Variants in LSG1 observed in about 807,000 individuals in gnomAD.
LSG1 encodes the protein large 60S subunit nuclear export GTPase 1.
Under a neutral mutation model 82.6 loss-of-function variants are expected in LSG1, and 55 were observed. That is an observed-to-expected ratio of 0.67 (90% CI 0.54 to 0.83). The LOEUF is 0.83. Ranked by LOEUF, LSG1 falls within the 40% of genes least tolerant of loss-of-function variation. LSG1 has a pLI of 0.00. For missense variants in LSG1, 809 were observed against 807.9 expected (o/e 1.00, Z -0.02); for synonymous variants, 272 against 282.5 (o/e 0.96, Z 0.37).
intron 5 of LSG1, among the ~76,000 whole-genome samples, chr3:194,662,250 C>A (rs1718949203): frequency 6.6e-6 from 1 of 152,234 alleles, no homozygotes; most frequent in African/African-American, 2.4e-5. Context: ...CCATTCCCCA[C>A]CCCAATAGCA....
At chr3:194,648,386 C>T (rs1046264822) in intron 11 of LSG1, among the ~76,000 whole-genome samples, 10 of 152,042 alleles carry the variant, frequency 6.6e-5, no homozygotes, top group African/African-American at 1.2e-4. Flanking sequence ...TCCACACATC[C>T]GCTTTCTTCT....
chr3:194,659,407 C>T (rs554255452), intron 6 of LSG1, among the ~76,000 whole-genome samples: 4 of 152,118 alleles, frequency 2.6e-5, no homozygotes, highest in East Asian at 1.9e-4. Flanking sequence ...CTTTGGGAGG[C>T]GGAGGAGGGA....
intron 1 of LSG1, chr3:194,671,823 C>G: frequency 3.6e-6 from 2 of 557,360 alleles, no homozygotes; most frequent in Non-Finnish European, 6.3e-6. Flanking sequence ...ATTGAAGACT[C>G]TTCAGATTCT....
intron 7 of LSG1, among the ~76,000 whole-genome samples, chr3:194,657,783 C>A (rs1391249279): frequency 6.6e-6 from 1 of 152,074 alleles, no homozygotes; most frequent in Admixed American, 6.6e-5. Context: ...GACAAAGAGT[C>A]CTCAGATCAA....
At chr3:194,655,162 C>A (rs1453132568) in intron 7 of LSG1, among the ~76,000 whole-genome samples, 2 of 152,186 alleles carry the variant, frequency 1.3e-5, no homozygotes, top group African/African-American at 4.8e-5. Context: ...CTTCCATAAA[C>A]TATACACTGT....
Position 194,672,171 on chromosome 3 carries a change from G to A in LSG1, c.-9C>T. 2 of 1,586,806 alleles carry A rather than the reference G, an allele frequency of 1.3e-6. No individual in the cohort carries two copies. The highest frequency in any genetic ancestry group is 1.7e-6 in the Non-Finnish European group (2 of 1,168,236). On this transcript the variant is annotated 5_prime_UTR_variant, in exon 1 of 14. Coordinates refer to ENST00000265245, the MANE Select transcript of LSG1 (RefSeq NM_018385.3). The stretch of plus-strand genomic sequence containing the variant: ...GCTCTCCTCCGGCCCATGGCAACAC[G>A]ACCGCTGGACGAAGCTTCCCGGCTC...
In LSG1 at chr3:194,666,460, T is replaced by C; in HGVS notation, c.339A>G (p.Ile113Met). 1 of 1,613,800 alleles carries C rather than the reference T, an allele frequency of 6.2e-7. No homozygotes were observed. The highest frequency in any genetic ancestry group is 1.1e-5 in the South Asian group (1 of 91,008). Residue 113 changes from isoleucine (I) to methionine (M), a missense_variant, in exon 3 of 14, where the codon ATA becomes ATG. Ile to Met is a conservative substitution (Grantham distance 10). Coordinates refer to ENST00000265245, the MANE Select transcript of LSG1 (RefSeq NM_018385.3). ...ATTCTTCTTCAGCTCACCTCCTCGG[T>C]ATACACAAGAACTGTTTGTTTTCTT... Reference protein sequence around the residue: ...LHEENKQFLCIPRRPNWNQNT... With the variant: ...LHEENKQFLCMPRRPNWNQNT...
At chr3:194,654,635 G>C (rs1718755790) in intron 7 of LSG1, among the ~76,000 whole-genome samples, 1 of 152,304 alleles carries the variant, frequency 6.6e-6, no homozygotes, top group Middle Eastern at 3.4e-3. Context: ...GGGCTCTTTT[G>C]AGTCATTTTC....
intron 7 of LSG1, among the ~76,000 whole-genome samples, chr3:194,657,098 C>T (rs1347269707): frequency 2.7e-5 from 4 of 150,608 alleles, no homozygotes; most frequent in South Asian, 2.1e-4. Context: ...TGTATATATA[C>T]GTAACAAACC....
Position 194,648,676 on chromosome 3 carries a change from C to T in LSG1, c.1543+5G>A, listed in dbSNP as rs764501716. The T allele has an allele frequency of 1.9e-6, 3 of 1,613,650 alleles. No homozygotes were observed. Among genetic ancestry groups the T allele is most frequent in the Admixed American group, 3.3e-5 (2 of 59,902 alleles). On this transcript the variant is annotated splice_donor_5th_base_variant and intron_variant, in intron 11 of 13. Coordinates refer to ENST00000265245, the MANE Select transcript of LSG1 (RefSeq NM_018385.3). ...GTTCACATTTTCTGATGAATCACAA[C>T]TTACATCCATAAGCTGTCAACAGTT... is the stretch of plus-strand genomic sequence containing the variant.
intron 7 of LSG1, among the ~76,000 whole-genome samples, chr3:194,654,508 T>G (rs1254509588): frequency 6.6e-6 from 1 of 152,150 alleles, no homozygotes; most frequent in East Asian, 1.9e-4. Flanking sequence ...TAGGTATGAT[T>G]TAACAATCAA....
chr3:194,643,844 A>G (rs956089700), intron 13 of LSG1, among the ~76,000 whole-genome samples: 3 of 152,248 alleles, frequency 2.0e-5, no homozygotes, highest in African/African-American at 7.2e-5. Flanking sequence ...GCATATCTAT[A>G]CAATGAAACA....
intron 11 of LSG1, among the ~76,000 whole-genome samples, chr3:194,646,637 C>A (rs1396927827): frequency 6.6e-6 from 1 of 152,222 alleles, no homozygotes; most frequent in African/African-American, 2.4e-5. Context: ...TCTGATGCCT[C>A]AGCCTCCCAA....
At chr3:194,650,168 C>T (rs1167138462) in intron 10 of LSG1, among the ~76,000 whole-genome samples, 1 of 152,214 alleles carries the variant, frequency 6.6e-6, no homozygotes, top group African/African-American at 2.4e-5. Context: ...ATCCGCCTGC[C>T]ACAGCCTCCC....
intron 13 of LSG1, among the ~76,000 whole-genome samples, chr3:194,643,445 A>G (rs2108613843): frequency 6.6e-6 from 1 of 152,370 alleles, no homozygotes; most frequent in Non-Finnish European, 1.5e-5. Flanking sequence ...AGCACATAAA[A>G]TGACGCTCAG....
chr3:194,669,883 A>G, intron 2 of LSG1, 126 bp downstream of exon 2: 1 of 1,099,212 alleles, frequency 9.1e-7, no homozygotes, highest in Non-Finnish European at 1.3e-6. Flanking sequence ...GTGAGCTGAT[A>G]TCACGCCACT....
intron 7 of LSG1, among the ~76,000 whole-genome samples, 165 bp from the exon 8 acceptor site, chr3:194,653,307 G>A (rs1379166858): frequency 6.6e-6 from 1 of 152,036 alleles, no homozygotes; most frequent in African/African-American, 2.4e-5. Flanking sequence ...TTGAGGTCAG[G>A]AGTTTGAGAC....
chr3:194,650,469 G>C (rs895702918), intron 10 of LSG1, among the ~76,000 whole-genome samples: 1 of 152,172 alleles, frequency 6.6e-6, no homozygotes, highest in African/African-American at 2.4e-5. Flanking sequence ...AAGGTATTTG[G>C]TAAGGGTTTA....
chr3:194,671,923 CAG>C, intron 1 of LSG1, 139 bp downstream of exon 1: 1 of 743,384 alleles, frequency 1.3e-6, no homozygotes, highest in South Asian at 1.5e-5. Context: ...GCCTGCTACT[CAG>C]CTTGGCAGAA....
Sources: allele counts gnomAD v4.1 joint callset (sites outside exome capture counted in the v4.1 genomes callset), GRCh38; gene constraint gnomAD v4.1.1; transcripts MANE v1.5; gene names NCBI Gene and HGNC (gene_info 2026-07-23, HGNC 2026-07-21).